Variants in PCDHA5 observed in about 807,000 individuals in gnomAD.
PCDHA5 encodes the protein protocadherin alpha-5.
In PCDHA5, 43 loss-of-function variants were observed where a neutral mutation model predicts 61.6. That is an observed-to-expected ratio of 0.70 (90% CI 0.55 to 0.90). PCDHA5 has a LOEUF of 0.90. Ranked by LOEUF, PCDHA5 falls within the 40% of genes least tolerant of loss-of-function variation. The probability of loss-of-function intolerance (pLI) is 0.00; values close to 1 mark genes in which losing one functional copy is unlikely to be tolerated. For synonymous variants in PCDHA5, 627 were observed against 543.9 expected (o/e 1.15, Z -2.13); for missense variants, 1,298 against 1,222.7 (o/e 1.06, Z -0.92).
chr5:140,863,231 C>T lies in PCDHA5; in HGVS notation c.2352+39104C>T, dbSNP rs189351986. On this transcript the variant is annotated intron_variant, in intron 1 of 3. Coordinates refer to ENST00000529859, the MANE Select transcript of PCDHA5 (RefSeq NM_018908.3). The stretch of plus-strand genomic sequence containing the variant: ...AGCAGCCAAGCGAGGAAGGTCCCAT[C>T]GCGGGCTTTGGCGGGCGTCGAGGTC... 2.5e-3 allele frequency: 3,078 copies of T among 1,227,642 alleles called. 13 individuals are homozygous for T. Among genetic ancestry groups the T allele is most frequent in the Middle Eastern group, 9.9e-3 (48 of 4,856 alleles). The allele number at this position is 1,227,642 out of a possible 1,614,324, so 76.0% of individuals were successfully genotyped here.
At chr5:140,927,540 C>T (rs1376391756) in intron 1 of PCDHA5, 6 of 1,614,136 alleles carry the variant, frequency 3.7e-6, no homozygotes, top group African/African-American at 2.7e-5. Flanking sequence ...GCTCAGGAGA[C>T]GCACAAGTCA....
intron 1 of PCDHA5, among the ~76,000 whole-genome samples, chr5:140,937,309 T>G (rs1210222120): frequency 6.6e-6 from 1 of 152,102 alleles, no homozygotes; most frequent in African/African-American, 2.4e-5. Flanking sequence ...AGTGCTGGGA[T>G]TACAGGCGTG....
rs1554262487 is a variant in PCDHA5, at chr5:141,009,847, G to T, written c.2721G>T (p.Glu907Asp). ...TCATAACCTTCGGCAAAAAGGAGGA[G>T]ACCAAGAAAAAGAAGAAAAAGAAGA... ...SDFITFGKKE[E>D]TKKKKKKKKG... Residue 907 changes from glutamate (E) to aspartate (D), a missense_variant, in exon 4 of 4, where the codon GAG (glutamate) becomes GAT (aspartate). Glu to Asp is a conservative substitution (Grantham distance 45). Coordinates refer to ENST00000529859, the MANE Select transcript of PCDHA5 (RefSeq NM_018908.3). 1 of 1,613,870 alleles carries T rather than the reference G, an allele frequency of 6.2e-7. No homozygotes were observed. Among genetic ancestry groups the T allele is most frequent in the Non-Finnish European group, 8.5e-7 (1 of 1,180,010 alleles).
intron 1 of PCDHA5, chr5:140,859,810 TGC>T (rs2046025948): frequency 6.6e-6 from 1 of 152,488 alleles, no homozygotes. Context: ...GCTAAGTTAA[TGC>T]AGAGTTTAGA....
chr5:140,939,634 G>T (rs1032922800), intron 1 of PCDHA5, among the ~76,000 whole-genome samples: 12 of 152,184 alleles, frequency 7.9e-5, no homozygotes, highest in South Asian at 4.1e-4. Flanking sequence ...AATCAATAAG[G>T]GTACTGAAAA....
chr5:140,842,903 C>A lies in PCDHA5; in HGVS notation c.2352+18776C>A. The A allele has an allele frequency of 2.5e-6, 4 of 1,594,400 alleles. 1 individual carries two copies. The South Asian group carries it at 4.4e-5, about 18-fold the overall frequency. On this transcript the variant is annotated intron_variant, in intron 1 of 3. Transcript: ENST00000529859. Reference sequence around the variant, plus strand: ...GCTGCAGCCGCTGGACCACGAGGAGCTAGAGCTGCTGCAGTTCCAGGTGAG... The same window carrying A: ...GCTGCAGCCGCTGGACCACGAGGAGATAGAGCTGCTGCAGTTCCAGGTGAG...
intron 1 of PCDHA5, among the ~76,000 whole-genome samples, chr5:140,892,616 G>C (rs781995267): frequency 6.6e-6 from 1 of 151,910 alleles, no homozygotes; most frequent in Non-Finnish European, 1.5e-5. Flanking sequence ...TTTATTTCCA[G>C]TTGGTACATA....
In PCDHA5 at chr5:140,903,730, A is replaced by G. The variant is rs2070542594; in HGVS notation, c.2353-75219A>G. Among the ~76,000 whole-genome samples, 4 of 152,350 alleles carry G rather than the reference A, an allele frequency of 2.6e-5. No homozygotes were observed. In the South Asian group the frequency reaches 8.3e-4, roughly 32 times the overall value. ...AAATATACAATTCTCCCTATTATCA[A>G]TTATTACAGAATGTTTCCCTTGATT... is the stretch of plus-strand genomic sequence containing the variant. On this transcript the variant is annotated intron_variant, in intron 1 of 3. Transcript: ENST00000529859.
chr5:140,834,958 T>C (rs2150229449), intron 1 of PCDHA5: 5 of 1,531,514 alleles, frequency 3.3e-6, no homozygotes, highest in Non-Finnish European at 4.4e-6. Flanking sequence ...GTAAAACCTC[T>C]TGGACTTGTA....
At chr5:140,984,905 C>G (rs1214020745) in intron 3 of PCDHA5, among the ~76,000 whole-genome samples, 1 of 152,004 alleles carries the variant, frequency 6.6e-6, no homozygotes, top group African/African-American at 2.4e-5. Context: ...AAAAAAAGAA[C>G]TGAGCATAGT....
chr5:140,873,161 C>T (rs946054760), intron 1 of PCDHA5, among the ~76,000 whole-genome samples: 11 of 152,012 alleles, frequency 7.2e-5, no homozygotes, highest in South Asian at 4.2e-4. Context: ...GACTTTAGAT[C>T]GAGAGCTTTT....
At chr5:140,866,115 A>G (rs537982409) in intron 1 of PCDHA5, 85 of 152,328 alleles carry the variant, frequency 5.6e-4, no homozygotes, top group African/African-American at 1.9e-3. Flanking sequence ...GAGTTGCCTT[A>G]TAAGAACTAC....
At chr5:140,876,174 T>G (rs957879450) in intron 1 of PCDHA5, 2 of 1,613,816 alleles carry the variant, frequency 1.2e-6, no homozygotes, top group African/African-American at 2.7e-5. Flanking sequence ...CCGTCCTGGA[T>G]GTGAATGACA....
intron 1 of PCDHA5, among the ~76,000 whole-genome samples, chr5:140,962,354 A>G (rs80298031): frequency 0.023 from 3,560 of 152,266 alleles, 46 homozygotes; most frequent in Middle Eastern, 0.034. Context: ...ACTCCCCCCA[A>G]TACTGGCTAG....
At chr5:140,992,261 G>A (rs1056414788) in intron 3 of PCDHA5, among the ~76,000 whole-genome samples, 1 of 152,172 alleles carries the variant, frequency 6.6e-6, no homozygotes, top group Non-Finnish European at 1.5e-5. Context: ...AAAGATGAAA[G>A]TTCTTTTCGT....
intron 1 of PCDHA5, chr5:140,876,905 C>T (rs782526620): frequency 2.5e-6 from 4 of 1,614,032 alleles, no homozygotes; most frequent in Non-Finnish European, 3.4e-6. Context: ...TTCACGGTGT[C>T]GGCATGGGAC....
intron 1 of PCDHA5, chr5:140,859,072 G>T (rs1168323371): frequency 6.6e-6 from 1 of 150,540 alleles, no homozygotes; most frequent in African/African-American, 2.4e-5. Flanking sequence ...AGTTGTAGTG[G>T]TACCTGTGTC....
chr5:140,849,581 C>T lies in PCDHA5; in HGVS notation c.2352+25454C>T. The T allele has an allele frequency of 3.1e-6, 5 of 1,598,698 alleles. 1 individual carries two copies. Among genetic ancestry groups the T allele is most frequent in the Non-Finnish European group, 4.3e-6 (5 of 1,167,986 alleles). On this transcript the variant is annotated intron_variant, in intron 1 of 3. Transcript: ENST00000529859. ...CGCTCTCGGTTCCTGTAAAAGAGGA[C>T]GCACAACTGGGGACAGTTATTGCCC...
chr5:140,965,879 G>C (rs920261632), intron 1 of PCDHA5, among the ~76,000 whole-genome samples: 1 of 152,216 alleles, frequency 6.6e-6, no homozygotes, highest in Non-Finnish European at 1.5e-5. Flanking sequence ...ACTTGGCCGA[G>C]AGCAGAATTG....
Sources: allele counts gnomAD v4.1 joint callset (sites outside exome capture counted in the v4.1 genomes callset), GRCh38; gene constraint gnomAD v4.1.1; transcripts MANE v1.5; gene names NCBI Gene and HGNC (gene_info 2026-07-23, HGNC 2026-07-21).